CFAP70: variants seen among roughly 807,000 people sequenced by gnomAD.
CFAP70 encodes cilia- and flagella-associated protein 70.
In CFAP70, 81 loss-of-function variants were observed where a neutral mutation model predicts 137.6. The observed-to-expected ratio is 0.59, with a 90% CI of 0.49 to 0.71. The LOEUF (loss-of-function observed/expected upper bound fraction) is 0.71, where lower values mean the gene tolerates loss of function less well. CFAP70 is among the 30% of genes least tolerant of loss of function. The pLI is 0.00. For synonymous variants in CFAP70, 382 were observed against 423.6 expected (o/e 0.90, Z 1.20); for missense variants, 976 against 1,226.7 (o/e 0.80, Z 3.05).
At chr10:73,344,967 T>C in intron 5 of CFAP70, 98 bp downstream of exon 6, 1 of 915,500 alleles carries the variant, frequency 1.1e-6, no homozygotes, top group Non-Finnish European at 1.7e-6. Context: ...CTATTAGCAG[T>C]GCAATGCTTT....
chr10:73,341,433 T>C (rs2053241467), exon 6 of CFAP70: 2 of 1,614,000 alleles, frequency 1.2e-6, no homozygotes, highest in South Asian at 2.2e-5. Flanking sequence ...TTCTTCTTCA[T>C]AGGGACCACC....
At chr10:73,265,279 C>T (rs1312771839) in intron 25 of CFAP70, among the ~76,000 whole-genome samples, 1 of 149,568 alleles carries the variant, frequency 6.7e-6, no homozygotes, top group Admixed American at 6.7e-5. Flanking sequence ...GCCCAGATCG[C>T]GCCACTGCAC....
At chr10:73,292,055 C>T (rs1229136365) in intron 16 of CFAP70, 41 bp from the exon 18 acceptor site, 1 of 1,607,976 alleles carries the variant, frequency 6.2e-7, no homozygotes, top group South Asian at 1.1e-5. Context: ...ATACTATGTC[C>T]TATTTTTATG....
chr10:73,274,445 C>T, exon 23 of CFAP70: 1 of 1,611,404 alleles, frequency 6.2e-7, no homozygotes, highest in Non-Finnish European at 8.5e-7. Context: ...CTTTCTCTTC[C>T]AGATAGATGA....
At chr10:73,336,017 T>C (rs1203468622) in intron 6 of CFAP70, among the ~76,000 whole-genome samples, 1 of 151,852 alleles carries the variant, frequency 6.6e-6, no homozygotes, top group Non-Finnish European at 1.5e-5. Context: ...GGCATGAGCC[T>C]GTGGTCCCAG....
exon 14 of CFAP70, chr10:73,298,968 C>A (rs1160428440): frequency 6.2e-7 from 1 of 1,613,918 alleles, no homozygotes; most frequent in Non-Finnish European, 8.5e-7. Context: ...GCTGAGCTGG[C>A]ACTTCTGCTC....
chr10:73,295,099 C>T (rs2048437727), intron 15 of CFAP70: 1 of 152,788 alleles, frequency 6.5e-6, no homozygotes, highest in African/African-American at 2.4e-5. Flanking sequence ...TGGTGGATCG[C>T]TTGAGTCCAA....
chr10:73,299,640 G>C (rs1170579696), exon 13 of CFAP70: 1 of 1,613,024 alleles, frequency 6.2e-7, no homozygotes, highest in East Asian at 2.2e-5. Context: ...GTAAGAGGAG[G>C]CCTTGGAGGA....
chr10:73,279,844 C>A (rs1057301160), intron 19 of CFAP70, among the ~76,000 whole-genome samples: 1 of 151,016 alleles, frequency 6.6e-6, no homozygotes, highest in Non-Finnish European at 1.5e-5. Flanking sequence ...GGTAACACAG[C>A]GAGACTCTGT....
At chr10:73,291,411 C>A in exon 19 of CFAP70, 2 of 1,614,070 alleles carry the variant, frequency 1.2e-6, no homozygotes, top group Non-Finnish European at 1.7e-6. Flanking sequence ...CATTTCCATT[C>A]GAATATCATT....
intron 7 of CFAP70, among the ~76,000 whole-genome samples, chr10:73,334,880 GTTT>G (rs369007041): frequency 5.4e-5 from 7 of 128,592 alleles, no homozygotes; most frequent in Admixed American, 1.6e-4. Flanking sequence ...ACCTGGCCGA[GTTT>G]TTTTTTTTTT....
chr10:73,348,960 A>C (rs959088962), intron 3 of CFAP70, among the ~76,000 whole-genome samples: 1 of 151,536 alleles, frequency 6.6e-6, no homozygotes, highest in Non-Finnish European at 1.5e-5. Context: ...TACTCGGGAG[A>C]CCGAGGCAGG....
chr10:73,324,468 G>A (rs1360824305), intron 8 of CFAP70, among the ~76,000 whole-genome samples: 1 of 152,214 alleles, frequency 6.6e-6, no homozygotes, highest in Non-Finnish European at 1.5e-5. Context: ...CACCAGCAAT[G>A]GAACAAAGCT....
intron 20 of CFAP70, 79 bp downstream of exon 21, chr10:73,278,100 C>A (rs1357509383): frequency 7.1e-7 from 1 of 1,416,558 alleles, no homozygotes; most frequent in Non-Finnish European, 9.7e-7. Context: ...GTCAGGATTG[C>A]CATTTCATCA....
At chr10:73,265,335 AAG>A (rs2045659216) in intron 25 of CFAP70, among the ~76,000 whole-genome samples, 1 of 150,386 alleles carries the variant, frequency 6.6e-6, no homozygotes, top group Admixed American at 6.6e-5. Flanking sequence ...AAAAAAAAAA[AAG>A]AAGAAGAAGA....
intron 22 of CFAP70, 140 bp from the exon 24 acceptor site, chr10:73,274,734 C>A: frequency 1.3e-6 from 1 of 791,888 alleles, no homozygotes. Flanking sequence ...TTTTCTTTTT[C>A]TAAGAGCACT....
chr10:73,331,908 A>G (rs2052140704), intron 7 of CFAP70, among the ~76,000 whole-genome samples: 2 of 152,180 alleles, frequency 1.3e-5, no homozygotes, highest in Non-Finnish European at 2.9e-5. Flanking sequence ...CAAATGGTAT[A>G]AAATTGGTTA....
At chr10:73,282,376 C>CAA (rs796174804) in intron 19 of CFAP70, among the ~76,000 whole-genome samples, 1 of 146,638 alleles carries the variant, frequency 6.8e-6, no homozygotes, top group African/African-American at 2.5e-5. Context: ...GTCACACACA[C>CAA]AAAAAAAAAA....
intron 12 of CFAP70, 138 bp downstream of exon 13, chr10:73,310,020 A>G: frequency 1.9e-6 from 1 of 532,658 alleles, no homozygotes; most frequent in Non-Finnish European, 3.3e-6. Flanking sequence ...AATAACAACA[A>G]CAACAAAAAC....
Sources: allele counts gnomAD v4.1 joint callset (sites outside exome capture counted in the v4.1 genomes callset), GRCh38; gene constraint gnomAD v4.1.1; transcripts MANE v1.5; gene names NCBI Gene and HGNC (gene_info 2026-07-23, HGNC 2026-07-21).